Variants in CSMD3 observed in about 807,000 individuals in gnomAD.
CSMD3 encodes the protein CUB and Sushi multiple domains 3.
A neutral mutation model predicts 435.2 loss-of-function variants in CSMD3; 177 were observed. The observed-to-expected ratio is 0.41, with a 90% CI of 0.36 to 0.46. CSMD3 has a LOEUF of 0.46. Ranked by LOEUF, CSMD3 falls within the 20% of genes least tolerant of loss-of-function variation. The pLI, the probability that CSMD3 is intolerant of heterozygous loss-of-function variation, is 0.34. For synonymous variants in CSMD3, 1,656 were observed against 1,520.5 expected (o/e 1.09, Z -2.07); for missense variants, 4,265 against 4,504.6 (o/e 0.95, Z 1.52).
chr8:113,288,194 G>T (rs1401803368), intron 2 of CSMD3, among the ~76,000 whole-genome samples: 1 of 151,470 alleles, frequency 6.6e-6, no homozygotes, highest in Non-Finnish European at 1.5e-5. Flanking sequence ...TTAACTTTTG[G>T]CATTTTTTCC....
chr8:112,594,785 C>A (rs1831535422), intron 22 of CSMD3, among the ~76,000 whole-genome samples: 1 of 152,122 alleles, frequency 6.6e-6, no homozygotes, highest in Non-Finnish European at 1.5e-5. Context: ...GGTACTCCAA[C>A]AGACCTGCAG....
At chr8:112,561,964 A>C (rs1485798640) in intron 24 of CSMD3, among the ~76,000 whole-genome samples, 2 of 151,562 alleles carry the variant, frequency 1.3e-5, no homozygotes, top group African/African-American at 4.8e-5. Flanking sequence ...CATATTCCCA[A>C]ACTAATTGAT....
At chr8:112,666,939 T>C (rs190985303) in intron 16 of CSMD3, among the ~76,000 whole-genome samples, 47 of 152,192 alleles carry the variant, frequency 3.1e-4, no homozygotes, top group Non-Finnish European at 4.7e-4. Context: ...CTCCAAATTA[T>C]AGTTTCATCA....
intron 2 of CSMD3, among the ~76,000 whole-genome samples, chr8:113,302,262 T>A (rs187830459): frequency 0.12 from 14,518 of 124,104 alleles, 905 homozygotes; most frequent in Middle Eastern, 0.17. Context: ...TTATATAAAA[T>A]ATATATAATA....
intron 3 of CSMD3, among the ~76,000 whole-genome samples, chr8:113,253,785 C>G (rs1169875269): frequency 6.6e-6 from 1 of 151,412 alleles, no homozygotes; most frequent in Non-Finnish European, 1.5e-5. Context: ...GTTGCAGTGA[C>G]CCGAGATCGT....
At chr8:112,386,026 T>C (rs998402302) in intron 36 of CSMD3, among the ~76,000 whole-genome samples, 3 of 152,060 alleles carry the variant, frequency 2.0e-5, no homozygotes, top group Non-Finnish European at 4.4e-5. Flanking sequence ...TCGACATTCA[T>C]AGAAGAGAAG....
At chr8:112,402,166 T>C (rs937406099) in intron 35 of CSMD3, among the ~76,000 whole-genome samples, 2 of 152,220 alleles carry the variant, frequency 1.3e-5, no homozygotes, top group African/African-American at 2.4e-5. Flanking sequence ...TCTTGTTTTA[T>C]TGGTATGGGA....
chr8:113,340,473 G>A (rs1482580078), intron 1 of CSMD3, among the ~76,000 whole-genome samples: 1 of 151,928 alleles, frequency 6.6e-6, no homozygotes, highest in Non-Finnish European at 1.5e-5. Context: ...GACTTATATT[G>A]TGCCTGAAAA....
chr8:112,992,289 T>C (rs1017985691), intron 6 of CSMD3, among the ~76,000 whole-genome samples: 3 of 151,564 alleles, frequency 2.0e-5, no homozygotes, highest in African/African-American at 4.8e-5. Flanking sequence ...TTATATTAAG[T>C]GTTGGATGTA....
intron 6 of CSMD3, among the ~76,000 whole-genome samples, chr8:112,998,696 C>A (rs2085745961): frequency 6.6e-6 from 1 of 151,786 alleles, no homozygotes; most frequent in Non-Finnish European, 1.5e-5. Context: ...TGTCTCCACC[C>A]AAATCTCATG....
intron 19 of CSMD3, among the ~76,000 whole-genome samples, chr8:112,645,762 A>C (rs2131615386): frequency 6.6e-6 from 1 of 152,270 alleles, no homozygotes; most frequent in Admixed American, 6.5e-5. Context: ...AAATAAGCTA[A>C]CTATCTGAGG....
intron 3 of CSMD3, among the ~76,000 whole-genome samples, chr8:113,266,723 T>C (rs2093474726): frequency 6.6e-6 from 1 of 151,616 alleles, no homozygotes; most frequent in African/African-American, 2.4e-5. Flanking sequence ...TATTAGCAAA[T>C]TTGCTAAATG....
rs138470598 is a variant in CSMD3, at chr8:112,398,592, C to T, written c.5810-7804G>A. ...ACATCTCCATAGCTTTATTGGGTAC[C>T]GAGCATGGTGAGCCAGACCCACAGG... On this transcript the variant is annotated intron_variant, in intron 35 of 70. Transcript: ENST00000297405. Among the ~76,000 whole-genome samples, 594 of 152,250 alleles carry T rather than the reference C, an allele frequency of 3.9e-3. 2 individuals are homozygous for T. The highest frequency in any genetic ancestry group is 0.013 in the African/African-American group (552 of 41,550).
intron 13 of CSMD3, among the ~76,000 whole-genome samples, chr8:112,755,623 G>A (rs909699162): frequency 6.6e-6 from 1 of 150,408 alleles, no homozygotes; most frequent in Non-Finnish European, 1.5e-5. Flanking sequence ...TTTATAAACA[G>A]GGTGAGAACG....
At chr8:112,597,160 C>T (rs1441289212) in intron 22 of CSMD3, among the ~76,000 whole-genome samples, 1 of 150,684 alleles carries the variant, frequency 6.6e-6, no homozygotes, top group Non-Finnish European at 1.5e-5. Context: ...GTCAAATAGA[C>T]ACAATAAAAA....
intron 3 of CSMD3, among the ~76,000 whole-genome samples, chr8:113,218,263 C>T (rs2092928473): frequency 6.6e-6 from 1 of 150,392 alleles, no homozygotes; most frequent in African/African-American, 2.4e-5. Flanking sequence ...AATGTAAACT[C>T]AGATGTAACT....
At chr8:112,536,125 GTCCAAAACA>G (rs1826055314) in intron 27 of CSMD3, among the ~76,000 whole-genome samples, 2 of 152,168 alleles carry the variant, frequency 1.3e-5, no homozygotes, top group Non-Finnish European at 2.9e-5. Flanking sequence ...AGGACTTCAT[GTCCAAAACA>G]CCAAAAGCAA....
intron 5 of CSMD3, among the ~76,000 whole-genome samples, chr8:113,034,718 C>T (rs181736098): frequency 1.3e-3 from 194 of 152,130 alleles, no homozygotes; most frequent in African/African-American, 4.5e-3. Flanking sequence ...GTCAGAAATA[C>T]ATAATGGATT....
intron 3 of CSMD3, among the ~76,000 whole-genome samples, chr8:113,235,726 G>T (rs768567412): frequency 6.6e-6 from 1 of 152,138 alleles, no homozygotes; most frequent in Non-Finnish European, 1.5e-5. Flanking sequence ...TGTCAAGGTA[G>T]GCAGCACCAT....
Sources: gnomAD v4.1 joint callset for allele counts (sites outside exome capture counted in the v4.1 genomes callset) on GRCh38, gnomAD v4.1.1 for gene constraint, MANE v1.5 for transcripts, NCBI Gene and HGNC (gene_info 2026-07-23, HGNC 2026-07-21) for gene names.